Variants in IGSF21 observed in about 807,000 individuals in gnomAD.
IGSF21 encodes immunoglobulin superfamily member 21.
Under a neutral mutation model 46.8 loss-of-function variants are expected in IGSF21, and 28 were observed. The ratio of observed to expected loss-of-function variants is 0.60; its 90% confidence interval spans 0.44 to 0.82. The LOEUF (loss-of-function observed/expected upper bound fraction) is 0.82, where lower values mean the gene tolerates loss of function less well. IGSF21 is among the 40% of genes least tolerant of loss of function. The pLI is 0.00. For synonymous variants in IGSF21, 284 were observed against 273.6 expected, an observed-to-expected ratio of 1.04 and a Z score of -0.38; for missense variants, 624 against 665.5, an observed-to-expected ratio of 0.94 and a Z score of 0.69.
At chr1:18,118,713 C>A (rs1274770215) in intron 1 of IGSF21, among the ~76,000 whole-genome samples, 1 of 152,046 alleles carries the variant, frequency 6.6e-6, no homozygotes, top group African/African-American at 2.4e-5. Flanking sequence ...ATTCCTAGGG[C>A]CTGTTGCCTG....
intron 1 of IGSF21, among the ~76,000 whole-genome samples, chr1:18,210,889 A>G (rs976278600): frequency 6.6e-6 from 1 of 151,928 alleles, no homozygotes; most frequent in Non-Finnish European, 1.5e-5. Flanking sequence ...TTTTTTGGAG[A>G]CAGAGTCTCA....
At chr1:18,117,263 G>A (rs1372036200) in intron 1 of IGSF21, among the ~76,000 whole-genome samples, 1 of 152,224 alleles carries the variant, frequency 6.6e-6, no homozygotes, top group Non-Finnish European at 1.5e-5. Context: ...CCAGTGAGGA[G>A]GGAAAGCCAG....
intron 1 of IGSF21, chr1:18,115,367 T>C (rs1470752681): frequency 1.3e-5 from 2 of 152,254 alleles, no homozygotes; most frequent in Non-Finnish European, 2.9e-5. Context: ...CTGGAGATCG[T>C]TGGGGATAGT....
chr1:18,339,353 C>T (rs2085804595), intron 4 of IGSF21, among the ~76,000 whole-genome samples: 1 of 152,200 alleles, frequency 6.6e-6, no homozygotes, highest in Non-Finnish European at 1.5e-5. Flanking sequence ...CCATGAGTCA[C>T]ACAAACCTCA....
chr1:18,138,894 C>T (rs2086390034), intron 1 of IGSF21, among the ~76,000 whole-genome samples: 1 of 152,196 alleles, frequency 6.6e-6, no homozygotes. Context: ...GAAACTGAGG[C>T]CCAGAGAGAG....
intron 2 of IGSF21, among the ~76,000 whole-genome samples, chr1:18,273,509 T>TTTCTTTCTTTCTTTCTTTCTTTCC (rs1298588613): frequency 4.7e-5 from 5 of 105,808 alleles, no homozygotes; most frequent in African/African-American, 2.1e-4. Flanking sequence ...TCTTTCTTTC[T>TTTCTTTCTTTCTTTCTTTCTTTCC]TTCTTTCTTT....
chr1:18,370,905 A>G (rs908889320), intron 6 of IGSF21, among the ~76,000 whole-genome samples: 1 of 152,250 alleles, frequency 6.6e-6, no homozygotes, highest in African/African-American at 2.4e-5. Flanking sequence ...AGTGGCTAAA[A>G]TTTTAAAAAC....
chr1:18,372,884 GGA>G (rs2086242993), intron 6 of IGSF21, among the ~76,000 whole-genome samples: 3 of 151,934 alleles, frequency 2.0e-5, no homozygotes. Context: ...ATGGATGGAT[GGA>G]TGGATGAGTG....
intron 1 of IGSF21, among the ~76,000 whole-genome samples, chr1:18,205,839 C>T (rs1011574249): frequency 2.0e-5 from 3 of 152,216 alleles, no homozygotes; most frequent in Non-Finnish European, 4.4e-5. Flanking sequence ...CTTTTAAATG[C>T]TTGCCCTGTA....
At chr1:18,324,332 T>G (rs912402020) in intron 3 of IGSF21, among the ~76,000 whole-genome samples, 1 of 152,240 alleles carries the variant, frequency 6.6e-6, no homozygotes, top group African/African-American at 2.4e-5. Context: ...TTAAGACTTC[T>G]GGCTCACAGC....
chr1:18,266,784 C>A (rs898308523), intron 2 of IGSF21, among the ~76,000 whole-genome samples: 1 of 152,176 alleles, frequency 6.6e-6, no homozygotes, highest in African/African-American at 2.4e-5. Flanking sequence ...AAAATGGGAA[C>A]CCTTTTGCAA....
At chr1:18,214,734 T>G (rs1000260368) in intron 1 of IGSF21, among the ~76,000 whole-genome samples, 5 of 152,114 alleles carry the variant, frequency 3.3e-5, no homozygotes, top group Admixed American at 3.3e-4. Flanking sequence ...TTTTTGTTTT[T>G]GTTTTGGTTT....
chr1:18,371,364 G>A, intron 6 of IGSF21, among the ~76,000 whole-genome samples: 1 of 152,170 alleles, frequency 6.6e-6, no homozygotes, highest in East Asian at 1.9e-4. Context: ...TTGCAGCCGG[G>A]AGTTTGAGAC....
At chr1:18,242,355 G>A (rs937032093) in intron 2 of IGSF21, among the ~76,000 whole-genome samples, 2 of 152,194 alleles carry the variant, frequency 1.3e-5, no homozygotes, top group African/African-American at 2.4e-5. Flanking sequence ...AACCGTCCAC[G>A]GCTGAGGCTG....
chr1:18,255,221 G>A (rs879857090), intron 2 of IGSF21, among the ~76,000 whole-genome samples: 3 of 152,174 alleles, frequency 2.0e-5, no homozygotes, highest in Admixed American at 2.0e-4. Flanking sequence ...TGCCTCAAGA[G>A]CATGGCAATC....
At chr1:18,304,808 T>C (rs1177344467) in intron 3 of IGSF21, among the ~76,000 whole-genome samples, 1 of 152,162 alleles carries the variant, frequency 6.6e-6, no homozygotes, top group Non-Finnish European at 1.5e-5. Flanking sequence ...TTATTACTAA[T>C]TATGCAAGTG....
At chr1:18,221,475 A>G (rs1217888995) in intron 1 of IGSF21, among the ~76,000 whole-genome samples, 1 of 152,040 alleles carries the variant, frequency 6.6e-6, no homozygotes, top group African/African-American at 2.4e-5. Context: ...ATCCCCTTGG[A>G]GCTGGGAAAG....
At chr1:18,225,085 TCACACACACACACA>T (rs529286231) in intron 1 of IGSF21, among the ~76,000 whole-genome samples, 16 of 51,602 alleles carry the variant, frequency 3.1e-4, no homozygotes, top group South Asian at 1.5e-3. Flanking sequence ...TCTCTCTCTC[TCACACACACACACA>T]CACACACACA....
intron 4 of IGSF21, 44 bp from the exon 5 acceptor site, chr1:18,362,071 C>A: frequency 1.5e-6 from 2 of 1,366,492 alleles, no homozygotes; most frequent in Admixed American, 1.9e-5. Context: ...CTTCCTGAAT[C>A]TCCCAGTTGA....
Sources: gnomAD v4.1 joint callset for allele counts (sites outside exome capture counted in the v4.1 genomes callset) on GRCh38, gnomAD v4.1.1 for gene constraint, MANE v1.5 for transcripts, NCBI Gene and HGNC (gene_info 2026-07-23, HGNC 2026-07-21) for gene names.